The following GAREM1 variants were observed in gnomAD, a reference collection of about 807,000 sequenced individuals.
GAREM1 encodes GRB2 associated regulator of MAPK1 subtype 1.
In GAREM1, 26 loss-of-function variants were observed where a neutral mutation model predicts 71.3. The ratio of observed to expected loss-of-function variants is 0.36; its 90% CI spans 0.27 to 0.51. The LOEUF is 0.51. GAREM1 is among the 20% of genes least tolerant of loss of function. GAREM1 has a pLI of 0.95. For missense variants in GAREM1, 1,026 were observed against 1,103.1 expected, an observed-to-expected ratio of 0.93 and a Z score of 0.99; for synonymous variants, 440 against 433.2, an observed-to-expected ratio of 1.02 and a Z score of -0.20.
intron 1 of GAREM1, among the ~76,000 whole-genome samples, chr18:32,418,315 T>C (rs2048484203): frequency 6.6e-6 from 1 of 152,146 alleles, no homozygotes; most frequent in African/African-American, 2.4e-5. Flanking sequence ...GTCCATGGTG[T>C]CAAAGTCCAT....
chr18:32,407,804 C>A (rs73958418), intron 1 of GAREM1, among the ~76,000 whole-genome samples: 11,578 of 152,070 alleles, frequency 0.076, 462 homozygotes, highest in African/African-American at 0.098. Flanking sequence ...CCATCCTGGG[C>A]AACATAACCT....
chr18:32,407,837 C>T (rs78565240), intron 1 of GAREM1, among the ~76,000 whole-genome samples: 2 of 152,132 alleles, frequency 1.3e-5, no homozygotes, highest in African/African-American at 4.8e-5. Flanking sequence ...CTAGACTTCA[C>T]TTTGGGTCTC....
intron 2 of GAREM1, among the ~76,000 whole-genome samples, chr18:32,356,889 C>T (rs1260906697): frequency 6.6e-6 from 1 of 152,136 alleles, no homozygotes; most frequent in African/African-American, 2.4e-5. Context: ...TTAACCGCCA[C>T]CCTCCACCCC....
At chr18:32,289,453 CTAAT>C (rs1162984752) in intron 3 of GAREM1, among the ~76,000 whole-genome samples, 4 of 151,978 alleles carry the variant, frequency 2.6e-5, no homozygotes, top group Non-Finnish European at 5.9e-5. Context: ...CAGTATTTAT[CTAAT>C]TATTTAGATC....
intron 1 of GAREM1, among the ~76,000 whole-genome samples, chr18:32,436,702 T>C (rs1295982041): frequency 1.3e-5 from 2 of 152,174 alleles, no homozygotes; most frequent in Admixed American, 6.6e-5. Flanking sequence ...GGTAGGATAA[T>C]AGTTTAAGAA....
Position 32,372,293 on chromosome 18 carries a change from T to G in GAREM1, c.262+20602A>C, listed in dbSNP as rs150835226. On this transcript the variant is annotated intron_variant, in intron 2 of 5. Coordinates refer to ENST00000269209, the MANE Select transcript of GAREM1 (RefSeq NM_001242409.2). ...GCCACCCTTTAAGTTATCAGAATTG[T>G]AAACATACACCTAAAAGGAAGTGTA... Among the ~76,000 whole-genome samples the G allele has an allele frequency of 2.1e-3, 325 of 152,330 alleles. 3 individuals carry two copies. The South Asian group carries it at 0.022, about 10-fold the overall frequency.
chr18:32,424,741 C>CATAT (rs2048557553), intron 1 of GAREM1, among the ~76,000 whole-genome samples: 2 of 152,136 alleles, frequency 1.3e-5, no homozygotes, highest in South Asian at 4.2e-4. Flanking sequence ...TTGCTATCAA[C>CATAT]ATATATATAA....
chr18:32,437,241 G>A (rs750425601), intron 1 of GAREM1, among the ~76,000 whole-genome samples: 2 of 152,122 alleles, frequency 1.3e-5, no homozygotes, highest in Admixed American at 6.5e-5. Context: ...CAATGACCTC[G>A]AGAGGACTAC....
rs144867624 is a variant in GAREM1 at position 32,432,996 on chromosome 18, C to A, written c.121+37312G>T. Among the ~76,000 whole-genome samples, 511 of 152,076 alleles carry A rather than the reference C, an allele frequency of 3.4e-3. 4 individuals carry two copies. The highest frequency in any genetic ancestry group is 0.012 in the African/African-American group (489 of 41,534). On this transcript the variant is annotated intron_variant, in intron 1 of 5. Transcript: ENST00000269209. ...CAGACAAAAAGAGTACAGGAAAAGA[C>A]AATTACACACCAATATCCCTCATAA...
intron 4 of GAREM1, among the ~76,000 whole-genome samples, chr18:32,279,717 C>T (rs181094662): frequency 1.8e-4 from 27 of 152,306 alleles, no homozygotes; most frequent in Admixed American, 1.0e-3. Flanking sequence ...CCTCCCCCAA[C>T]GCCAGGTCCG....
chr18:32,420,105 T>C (rs1249071186), intron 1 of GAREM1, among the ~76,000 whole-genome samples: 1 of 152,166 alleles, frequency 6.6e-6, no homozygotes, highest in Non-Finnish European at 1.5e-5. Context: ...CCAAAACCTA[T>C]TAGTCTTTAA....
intron 4 of GAREM1, among the ~76,000 whole-genome samples, chr18:32,279,764 C>A (rs148587894): frequency 5.0e-4 from 76 of 152,192 alleles, no homozygotes; most frequent in Non-Finnish European, 7.9e-4. Flanking sequence ...GTCCCTGGTG[C>A]CAAAAAGGTT....
chr18:32,450,855 A>T (rs1350223241), intron 1 of GAREM1, among the ~76,000 whole-genome samples: 1 of 152,074 alleles, frequency 6.6e-6, no homozygotes, highest in African/African-American at 2.4e-5. Context: ...GGGCCAGGGC[A>T]TGATTTACCA....
chr18:32,385,652 C>G (rs768249482), intron 2 of GAREM1, among the ~76,000 whole-genome samples: 1 of 152,108 alleles, frequency 6.6e-6, no homozygotes, highest in Non-Finnish European at 1.5e-5. Flanking sequence ...AAAGCTTTAC[C>G]CAGCTTATTG....
intron 3 of GAREM1, among the ~76,000 whole-genome samples, chr18:32,289,609 T>A (rs1434341751): frequency 6.6e-6 from 1 of 152,212 alleles, no homozygotes; most frequent in Non-Finnish European, 1.5e-5. Flanking sequence ...AATTTTCCTT[T>A]GTGATTTCAT....
intron 5 of GAREM1, 129 bp downstream of exon 5, chr18:32,270,088 A>T: frequency 1.0e-6 from 1 of 978,838 alleles, no homozygotes; most frequent in Non-Finnish European, 1.5e-6. Context: ...AAAATTATTT[A>T]GAAAATTAAA....
chr18:32,399,330 G>A (rs931706235), intron 1 of GAREM1, among the ~76,000 whole-genome samples: 1 of 152,134 alleles, frequency 6.6e-6, no homozygotes, highest in Admixed American at 6.6e-5. Flanking sequence ...AGGGCAATCA[G>A]GCAGGAGAAA....
At chr18:32,416,322 C>T (rs1345666043) in intron 1 of GAREM1, among the ~76,000 whole-genome samples, 1 of 152,074 alleles carries the variant, frequency 6.6e-6, no homozygotes, top group Non-Finnish European at 1.5e-5. Context: ...TCAACACAAT[C>T]CCTACCAAAA....
chr18:32,382,174 G>A (rs1158305672), intron 2 of GAREM1, among the ~76,000 whole-genome samples: 3 of 152,174 alleles, frequency 2.0e-5, no homozygotes, highest in Admixed American at 6.5e-5. Flanking sequence ...TGTGTTAGAT[G>A]CTGTATGAGA....
Sources: allele counts gnomAD v4.1 joint callset (sites outside exome capture counted in the v4.1 genomes callset), GRCh38; gene constraint gnomAD v4.1.1; transcripts MANE v1.5; gene names NCBI Gene and HGNC (gene_info 2026-07-23, HGNC 2026-07-21).